Variants in SEMA3A observed in about 807,000 individuals in gnomAD.
The protein encoded by SEMA3A is semaphorin 3A, also known as semaphorin-3A.
In SEMA3A, 29 loss-of-function variants were observed where a neutral mutation model predicts 97.9. The observed-to-expected ratio is 0.30, with a 90% confidence interval of 0.22 to 0.40. The LOEUF (loss-of-function observed/expected upper bound fraction) is 0.40, where lower values mean the gene tolerates loss of function less well. SEMA3A is among the 10% of genes least tolerant of loss of function. The pLI is 1.00. For missense variants in SEMA3A, 763 were observed against 951.3 expected, an observed-to-expected ratio of 0.80 and a Z score of 2.60; for synonymous variants, 321 against 323.7, an observed-to-expected ratio of 0.99 and a Z score of 0.09.
At chr7:84,061,131 A>C (rs1793200276) in intron 4 of SEMA3A, among the ~76,000 whole-genome samples, 1 of 152,160 alleles carries the variant, frequency 6.6e-6, no homozygotes, top group Non-Finnish European at 1.5e-5. Flanking sequence ...GAAGTGCCTG[A>C]AATGCCTCAT....
chr7:84,326,807 T>C (rs1584241853), intron 2 of SEMA3A, among the ~76,000 whole-genome samples: 1 of 151,948 alleles, frequency 6.6e-6, no homozygotes, highest in Non-Finnish European at 1.5e-5. Flanking sequence ...TTACATCATA[T>C]ACAAAAATTA....
At chr7:83,987,678 G>A (rs371164654) in intron 12 of SEMA3A, among the ~76,000 whole-genome samples, 12 of 152,210 alleles carry the variant, frequency 7.9e-5, no homozygotes, top group African/African-American at 2.4e-4. Flanking sequence ...ATAAATGAAC[G>A]AATTCTTTAC....
intron 1 of SEMA3A, among the ~76,000 whole-genome samples, chr7:84,445,511 A>AG (rs1805389458): frequency 6.9e-6 from 1 of 145,632 alleles, no homozygotes; most frequent in East Asian, 2.1e-4. Flanking sequence ...AAAAAAAAAA[A>AG]AAAAAAAAAG....
intron 1 of SEMA3A, among the ~76,000 whole-genome samples, chr7:84,404,596 A>G (rs994651544): frequency 2.6e-5 from 4 of 152,178 alleles, no homozygotes; most frequent in Non-Finnish European, 2.9e-5. Context: ...TAATTGTCAG[A>G]TTCACCAAAG....
intron 1 of SEMA3A, among the ~76,000 whole-genome samples, chr7:84,442,599 C>A (rs774521718): frequency 6.6e-6 from 1 of 151,930 alleles, no homozygotes. Context: ...AGTAAAATAG[C>A]AGAAATCTTT....
intron 1 of SEMA3A, among the ~76,000 whole-genome samples, chr7:84,374,653 T>C (rs755124750): frequency 6.6e-6 from 1 of 152,160 alleles, no homozygotes; most frequent in Non-Finnish European, 1.5e-5. Flanking sequence ...CAGTAAACCA[T>C]TTAAGGTATT....
chr7:84,086,653 G>A (rs1206407580), intron 4 of SEMA3A, among the ~76,000 whole-genome samples: 2 of 143,062 alleles, frequency 1.4e-5, no homozygotes, highest in African/African-American at 5.2e-5. Flanking sequence ...TGCTCCAGAG[G>A]GCACAACTCA....
At chr7:84,325,554 C>T (rs1433292013) in intron 2 of SEMA3A, among the ~76,000 whole-genome samples, 1 of 151,728 alleles carries the variant, frequency 6.6e-6, no homozygotes. Flanking sequence ...GTGGTCCAAG[C>T]TAGGTGACAG....
intron 6 of SEMA3A, among the ~76,000 whole-genome samples, chr7:84,042,450 T>C (rs1190786309): frequency 1.3e-5 from 2 of 152,012 alleles, no homozygotes; most frequent in Non-Finnish European, 2.9e-5. Context: ...TAAACCCGAC[T>C]CTGGCTGCCC....
upstream of SEMA3A, among the ~76,000 whole-genome samples, chr7:84,198,320 C>G (rs566364851): frequency 6.6e-6 from 1 of 152,008 alleles, no homozygotes; most frequent in Non-Finnish European, 1.5e-5. Flanking sequence ...CTCAGCCTCC[C>G]GAGTAGCTGG....
intron 3 of SEMA3A, among the ~76,000 whole-genome samples, chr7:84,215,388 A>T (rs1049191322): frequency 2.0e-5 from 3 of 149,388 alleles, no homozygotes; most frequent in Non-Finnish European, 3.0e-5. Flanking sequence ...GGGTTTCACC[A>T]TATTGGCCAG....
intron 3 of SEMA3A, among the ~76,000 whole-genome samples, chr7:84,231,801 G>A (rs1799122358): frequency 6.6e-6 from 1 of 151,896 alleles, no homozygotes; most frequent in Non-Finnish European, 1.5e-5. Context: ...AAAGACAGCA[G>A]ACAAAGCCAA....
At chr7:84,226,247 G>A (rs1798988271) in intron 3 of SEMA3A, among the ~76,000 whole-genome samples, 1 of 152,044 alleles carries the variant, frequency 6.6e-6, no homozygotes, top group South Asian at 2.1e-4. Flanking sequence ...GAATGGTGTT[G>A]TTGGGAACAG....
At chr7:84,100,478 C>T (rs1340427723) in intron 4 of SEMA3A, among the ~76,000 whole-genome samples, 2 of 151,998 alleles carry the variant, frequency 1.3e-5, no homozygotes, top group African/African-American at 4.8e-5. Flanking sequence ...GAGTAGCTAC[C>T]TCATCAGATT....
At chr7:84,456,184 ATCC>A (rs939677010) in intron 1 of SEMA3A, among the ~76,000 whole-genome samples, 9 of 151,916 alleles carry the variant, frequency 5.9e-5, no homozygotes, top group South Asian at 4.1e-4. Flanking sequence ...AAAAGAAAAT[ATCC>A]TCCTTTTTTA....
chr7:84,227,153 T>C (rs543569261), intron 3 of SEMA3A, among the ~76,000 whole-genome samples: 1 of 151,652 alleles, frequency 6.6e-6, no homozygotes, highest in South Asian at 2.1e-4. Context: ...TATCTATATA[T>C]CTATCTATAT....
chr7:84,299,242 G>GTATA lies in SEMA3A; in HGVS notation c.-83+7961_-83+7964dup, dbSNP rs71078820. ...CTTTCATAAAGATATAAAACAGTGTGTATATATATATATATATCTCCATAT... is the reference window on the plus strand; with the variant it reads ...CTTTCATAAAGATATAAAACAGTGTGTATATATATATATATATATATCTCCATAT... On this transcript the variant is annotated intron_variant, in intron 3 of 3. Transcript: ENST00000424555. Among the ~76,000 whole-genome samples, 520 of 127,486 alleles carry GTATA rather than the reference G, an allele frequency of 4.1e-3. 4 individuals carry two copies. The highest frequency in any genetic ancestry group is 0.013 in the African/African-American group (435 of 33,928). 83.6% of individuals were successfully genotyped at this position (127,486 alleles called of 152,430 possible). A position where few individuals can be genotyped will look rare whatever the true frequency, so the allele number is the denominator to read the frequency against.
chr7:84,268,285 G>A (rs1800058817), intron 3 of SEMA3A, among the ~76,000 whole-genome samples: 1 of 151,512 alleles, frequency 6.6e-6, no homozygotes, highest in Non-Finnish European at 1.5e-5. Context: ...GTGTGTGTGT[G>A]TGTGTGTGTG....
chr7:84,054,073 G>A (rs1393383210), intron 5 of SEMA3A, among the ~76,000 whole-genome samples: 1 of 151,744 alleles, frequency 6.6e-6, no homozygotes, highest in African/African-American at 2.4e-5. Context: ...GGTTTCTGCT[G>A]AGAGATCCGC....
Sources: allele counts gnomAD v4.1 joint callset (sites outside exome capture counted in the v4.1 genomes callset), GRCh38; gene constraint gnomAD v4.1.1; transcripts MANE v1.5; gene names NCBI Gene and HGNC (gene_info 2026-07-23, HGNC 2026-07-21).